Variants in C1orf21 observed in about 807,000 individuals in gnomAD.
C1orf21 encodes the protein chromosome 1 open reading frame 21.
Under a neutral mutation model 18.7 loss-of-function variants are expected in C1orf21, and 3 were observed. The ratio of observed to expected loss-of-function variants is 0.16; its 90% confidence interval spans 0.07 to 0.42. The LOEUF (loss-of-function observed/expected upper bound fraction) is 0.42, where lower values mean the gene tolerates loss of function less well. Among genes scored for constraint, C1orf21 ranks in the 10% least tolerant of loss-of-function variants. The probability of loss-of-function intolerance (pLI) is 0.99; values close to 1 mark genes in which losing one functional copy is unlikely to be tolerated. For synonymous variants in C1orf21, 41 were observed against 46.4 expected (o/e 0.88, Z 0.47); for missense variants, 104 against 143.6 (o/e 0.72, Z 1.41).
chr1:184,618,706 AATAAT>A (rs1416033156), intron 5 of C1orf21, among the ~76,000 whole-genome samples: 7 of 151,350 alleles, frequency 4.6e-5, no homozygotes, highest in African/African-American at 1.7e-4. Context: ...GAAGGAAACA[AATAAT>A]AATAACACCT....
chr1:184,438,020 G>A (rs918246396), intron 1 of C1orf21, among the ~76,000 whole-genome samples: 2 of 152,176 alleles, frequency 1.3e-5, no homozygotes, highest in African/African-American at 2.4e-5. Flanking sequence ...TCAATGGGGA[G>A]CTGCTGTAAA....
At chr1:184,424,917 G>GAACACCTAGCCCT (rs1656609236) in intron 1 of C1orf21, among the ~76,000 whole-genome samples, 1 of 152,150 alleles carries the variant, frequency 6.6e-6, no homozygotes, top group African/African-American at 2.4e-5. Context: ...TTGAGTTTCT[G>GAACACCTAGCCCT]GTTATCAGAA....
At chr1:184,475,259 G>T (rs1657552529) in intron 1 of C1orf21, among the ~76,000 whole-genome samples, 1 of 152,108 alleles carries the variant, frequency 6.6e-6, no homozygotes, top group South Asian at 2.1e-4. Flanking sequence ...GTCTTACGAT[G>T]TCCTTTATTC....
intron 3 of C1orf21, chr1:184,566,892 G>A (rs1428948663): frequency 4.0e-6 from 2 of 500,234 alleles, no homozygotes; most frequent in African/African-American, 3.9e-5. Flanking sequence ...AAATCTGAGG[G>A]GCTGTATTGT....
intron 1 of C1orf21, among the ~76,000 whole-genome samples, chr1:184,409,631 C>T (rs1185361310): frequency 2.6e-5 from 4 of 152,180 alleles, no homozygotes; most frequent in Non-Finnish European, 4.4e-5. Flanking sequence ...ACATGTCCTG[C>T]CTCATTTGTA....
At position 184,624,407 on chromosome 1, in the gene C1orf21, C is replaced by G. The variant is rs553433035; in HGVS notation, c.*4851C>G. 3 of 152,504 alleles carry G rather than the reference C, an allele frequency of 2.0e-5. No individual in the cohort carries two copies. The highest frequency in any genetic ancestry group is 3.9e-4 in the East Asian group (2 of 5,168). The allele number at this position is 152,504 out of a possible 1,614,324, so 9.4% of individuals were successfully genotyped here. A position where few individuals can be genotyped will look rare whatever the true frequency, so the allele number is the denominator to read the frequency against. ...TCCTTCTAGCATCTGGAAAAGGAAC[C>G]TGGTATTTCTGCAGTTAGATACCAG... On this transcript the variant is annotated 3_prime_UTR_variant, in exon 6 of 6. Coordinates refer to ENST00000235307, the MANE Select transcript of C1orf21 (RefSeq NM_030806.4).
In C1orf21 at chr1:184,553,048, T is replaced by C. The variant is rs115588761; in HGVS notation, c.190-37691T>C. On this transcript the variant is annotated intron_variant, in intron 3 of 5. Coordinates refer to ENST00000235307, the MANE Select transcript of C1orf21 (RefSeq NM_030806.4). ...CTTGGTCTACTCCTGGTGGTCATAATAGGTGCTCAATAAATGTCTGCTGTG... is the reference window on the plus strand; with the variant it reads ...CTTGGTCTACTCCTGGTGGTCATAACAGGTGCTCAATAAATGTCTGCTGTG... Among the ~76,000 whole-genome samples, 1,413 of 152,284 alleles carry C rather than the reference T, an allele frequency of 9.3e-3. 25 individuals carry two copies. The highest frequency in any genetic ancestry group is 0.033 in the African/African-American group (1,357 of 41,566).
chr1:184,516,771 G>A (rs1417464753), intron 3 of C1orf21, among the ~76,000 whole-genome samples: 1 of 152,192 alleles, frequency 6.6e-6, no homozygotes, highest in Admixed American at 6.5e-5. Flanking sequence ...CAACACATGG[G>A]AGTTATGAGA....
chr1:184,440,121 C>T (rs1165601962), intron 1 of C1orf21, among the ~76,000 whole-genome samples: 1 of 152,068 alleles, frequency 6.6e-6, no homozygotes, highest in Non-Finnish European at 1.5e-5. Context: ...AAGTGATTTC[C>T]GATTTCTCCA....
At chr1:184,404,830 A>G (rs1388435384) in intron 1 of C1orf21, among the ~76,000 whole-genome samples, 1 of 152,148 alleles carries the variant, frequency 6.6e-6, no homozygotes, top group Admixed American at 6.5e-5. Context: ...CCCCCTCGTG[A>G]TGCGTCCTTT....
intron 1 of C1orf21, among the ~76,000 whole-genome samples, chr1:184,430,580 T>G (rs1230235226): frequency 6.6e-6 from 1 of 152,212 alleles, no homozygotes; most frequent in Non-Finnish European, 1.5e-5. Flanking sequence ...TGAGTGCTTT[T>G]GGGGCTTAAT....
At chr1:184,417,310 C>G (rs143656541) in intron 1 of C1orf21, among the ~76,000 whole-genome samples, 1 of 152,144 alleles carries the variant, frequency 6.6e-6, no homozygotes, top group South Asian at 2.1e-4. Flanking sequence ...GCTTCCATAG[C>G]GACAATGCTA....
At chr1:184,452,196 A>G (rs1257307631) in intron 1 of C1orf21, among the ~76,000 whole-genome samples, 1 of 152,218 alleles carries the variant, frequency 6.6e-6, no homozygotes, top group Non-Finnish European at 1.5e-5. Flanking sequence ...TATTGTTTAT[A>G]AGATAGAAGG....
At chr1:184,500,541 A>T (rs1159401742) in intron 2 of C1orf21, among the ~76,000 whole-genome samples, 1 of 152,164 alleles carries the variant, frequency 6.6e-6, no homozygotes, top group African/African-American at 2.4e-5. Flanking sequence ...AGGATTGCTA[A>T]GAGACTATAT....
intron 1 of C1orf21, among the ~76,000 whole-genome samples, chr1:184,398,798 A>G (rs185937454): frequency 3.9e-5 from 6 of 152,340 alleles, no homozygotes; most frequent in Middle Eastern, 3.4e-3. Context: ...GGTATAAAAT[A>G]TAAAAAATGA....
intron 1 of C1orf21, among the ~76,000 whole-genome samples, chr1:184,407,322 A>G (rs1240155095): frequency 1.3e-5 from 2 of 152,190 alleles, no homozygotes; most frequent in Non-Finnish European, 2.9e-5. Context: ...TTAATGTGGA[A>G]CTAACTGTGG....
intron 2 of C1orf21, among the ~76,000 whole-genome samples, chr1:184,495,420 C>T (rs921171773): frequency 6.6e-6 from 1 of 152,182 alleles, no homozygotes; most frequent in Non-Finnish European, 1.5e-5. Context: ...AGAACAAATA[C>T]GCAAATGAAG....
intron 1 of C1orf21, among the ~76,000 whole-genome samples, chr1:184,400,051 A>AT (rs764231373): frequency 3.3e-5 from 5 of 151,938 alleles, no homozygotes; most frequent in Non-Finnish European, 7.4e-5. Context: ...GAACTTGTGG[A>AT]TTTTAACACA....
chr1:184,589,076 C>T (rs1177393140), intron 3 of C1orf21, among the ~76,000 whole-genome samples: 2 of 152,196 alleles, frequency 1.3e-5, no homozygotes, highest in African/African-American at 4.8e-5. Context: ...CAACATACCA[C>T]TGTATATCCT....
Sources: gnomAD v4.1 joint callset for allele counts (sites outside exome capture counted in the v4.1 genomes callset) on GRCh38, gnomAD v4.1.1 for gene constraint, MANE v1.5 for transcripts, NCBI Gene and HGNC (gene_info 2026-07-23, HGNC 2026-07-21) for gene names.